The following KIAA0232 variants were observed in gnomAD, a reference collection of about 807,000 sequenced individuals.
KIAA0232 encodes KIAA0232, also known as uncharacterized protein KIAA0232.
In KIAA0232, 27 loss-of-function variants were observed where a neutral mutation model predicts 122.0. That is an observed-to-expected ratio of 0.22 (90% CI 0.16 to 0.31). The LOEUF is 0.31. Ranked by LOEUF, KIAA0232 falls within the 10% of genes least tolerant of loss-of-function variation. The probability of loss-of-function intolerance (pLI) is 1.00; values close to 1 mark genes in which losing one functional copy is unlikely to be tolerated. For synonymous variants in KIAA0232, 613 were observed against 587.6 expected (o/e 1.04, Z -0.63); for missense variants, 1,551 against 1,634.2 (o/e 0.95, Z 0.88).
At chr4:6,877,333 C>T (rs1721810752) in intron 9 of KIAA0232, among the ~76,000 whole-genome samples, 1 of 152,208 alleles carries the variant, frequency 6.6e-6, no homozygotes, top group African/African-American at 2.4e-5. Flanking sequence ...AAGGCGGGAG[C>T]GGGGCCTCCG....
In KIAA0232 at chr4:6,862,134, T is replaced by G; in HGVS notation, c.1752T>G (p.Leu584=). 6.2e-7 allele frequency: 1 copy of G among 1,614,158 alleles called. No homozygotes were observed. Among genetic ancestry groups the G allele is most frequent in the Non-Finnish European group, 8.5e-7 (1 of 1,180,016 alleles). The change falls in exon 7 of 10, where the codon CTT becomes CTG. Residue 584 remains leucine, a synonymous_variant. Coordinates refer to ENST00000307659, the MANE Select transcript of KIAA0232 (RefSeq NM_014743.3). ...VGAEGLFLQD[L]GNLAQFWECC... ...CTGAGGGCTTATTCCTGCAGGACCTTGGCAATCTGGCTCAGTTTTGGGAGT... is the reference window on the plus strand; with the variant it reads ...CTGAGGGCTTATTCCTGCAGGACCTGGGCAATCTGGCTCAGTTTTGGGAGT...
chr4:6,815,683 C>G (rs139198827), intron 2 of KIAA0232, among the ~76,000 whole-genome samples: 5 of 152,296 alleles, frequency 3.3e-5, no homozygotes, highest in Admixed American at 1.3e-4. Flanking sequence ...CCTTTACTTT[C>G]TTTTTCTTTC....
rs113543325 is a variant in KIAA0232, at chr4:6,833,534, G to T, written c.232-8533G>T. On this transcript the variant is annotated intron_variant, in intron 3 of 9. Coordinates refer to ENST00000307659, the MANE Select transcript of KIAA0232 (RefSeq NM_014743.3). ...AGTCTCAGCTGCTCGGGAGGCTGAG[G>T]TTGGAGGATCACCTGAGCCCAGGGA... Among the ~76,000 whole-genome samples, 582 of 152,224 alleles carry T rather than the reference G, an allele frequency of 3.8e-3. 1 individual carries two copies. The highest frequency in any genetic ancestry group is 0.013 in the African/African-American group (542 of 41,538).
Position 6,880,850 on chromosome 4 carries a change from T to G in KIAA0232, c.4072T>G (p.Phe1358Val). Residue 1358 changes from phenylalanine to valine, a missense_variant, in exon 10 of 10, where the codon TTC (phenylalanine) becomes GTC (valine). Phe to Val is a conservative substitution (Grantham distance 50, BLOSUM62 -1). This residue lies in a region of KIAA0232 where 1,108 missense variants were observed against 1,154.8 expected (regional missense o/e 0.96). Transcript: ENST00000307659. ...AGATTCTGGAGCAAAGTCAGATGGC[T>G]TCCGCGGAAAGATGTGCTCCAGCGC... ...ERDSGAKSDG[F>V]RGKMCSSASS... The G allele has an allele frequency of 1.2e-6, 2 of 1,607,588 alleles. No individual in the cohort carries two copies. The highest frequency in any genetic ancestry group is 2.2e-5 in the South Asian group (2 of 89,540).
At chr4:6,826,916 G>A (rs1445044071) in intron 3 of KIAA0232, among the ~76,000 whole-genome samples, 1 of 152,038 alleles carries the variant, frequency 6.6e-6, no homozygotes, top group Non-Finnish European at 1.5e-5. Flanking sequence ...TGAATCCTCT[G>A]GTTTCTTTAC....
intron 3 of KIAA0232, among the ~76,000 whole-genome samples, chr4:6,828,580 C>T (rs1718813286): frequency 6.6e-6 from 1 of 152,100 alleles, no homozygotes; most frequent in Non-Finnish European, 1.5e-5. Context: ...GTTATCAAAT[C>T]AGGGTATTTG....
chr4:6,879,997 C>G (rs79740186), intron 9 of KIAA0232, among the ~76,000 whole-genome samples: 3 of 78,268 alleles, frequency 3.8e-5, no homozygotes, highest in African/African-American at 1.0e-4. Context: ...TCCCAACACA[C>G]AGGTCTGTAG....
In KIAA0232 at chr4:6,829,884, C is replaced by T. The variant is rs545357713; in HGVS notation, c.231+5200C>T. On this transcript the variant is annotated intron_variant, in intron 3 of 9. Transcript: ENST00000307659. The stretch of plus-strand genomic sequence containing the variant: ...TCTGTCACAGGTGGGAAGGGATGCA[C>T]TAGCAGATGAGGGTGTGTTTCAGTA... Among the ~76,000 whole-genome samples the T allele has an allele frequency of 4.1e-4, 62 of 152,328 alleles. 1 individual carries two copies. In the South Asian group the frequency reaches 0.011, roughly 26 times the overall value.
At chr4:6,873,947 AT>A (rs1469599376) in intron 8 of KIAA0232, among the ~76,000 whole-genome samples, 2 of 152,194 alleles carry the variant, frequency 1.3e-5, no homozygotes, top group African/African-American at 4.8e-5. Flanking sequence ...GGGACTCCTA[AT>A]GCTTCTAATA....
At chr4:6,813,552 T>G (rs374260147) in intron 2 of KIAA0232, among the ~76,000 whole-genome samples, 1 of 151,790 alleles carries the variant, frequency 6.6e-6, no homozygotes, top group Non-Finnish European at 1.5e-5. Flanking sequence ...TTAGTAGAGA[T>G]GGGGTTTCAC....
At position 6,862,047 on chromosome 4, in the gene KIAA0232, A is replaced by G. The variant is rs367823638; in HGVS notation, c.1665A>G (p.Leu555=). The G allele has an allele frequency of 6.2e-7, 1 of 1,614,226 alleles. No homozygotes were observed. ...TDFEAECCIV[L]DGMELQGERA... is the part of the protein sequence containing the mutation. ...TTGAGGCAGAATGTTGCATAGTGTT[A>G]GATGGTATGGAGTTGCAAGGGGAAC... Residue 555 remains leucine (L), a synonymous_variant, in exon 7 of 10, where the codon TTA becomes TTG. Coordinates refer to ENST00000307659, the MANE Select transcript of KIAA0232 (RefSeq NM_014743.3).
At chr4:6,852,470 TG>T in intron 4 of KIAA0232, among the ~76,000 whole-genome samples, 1 of 152,356 alleles carries the variant, frequency 6.6e-6, no homozygotes, top group Middle Eastern at 3.4e-3. Flanking sequence ...ACGATTACCA[TG>T]ATCACCAGTA....
chr4:6,808,318 T>C (rs1409583453), intron 2 of KIAA0232, among the ~76,000 whole-genome samples: 2 of 151,506 alleles, frequency 1.3e-5, no homozygotes, highest in Admixed American at 1.3e-4. Flanking sequence ...TATGTGAAAG[T>C]CCTGTAAACA....
At chr4:6,843,376 A>G (rs1366756179) in intron 4 of KIAA0232, among the ~76,000 whole-genome samples, 1 of 152,178 alleles carries the variant, frequency 6.6e-6, no homozygotes, top group Non-Finnish European at 1.5e-5. Flanking sequence ...GTTATCTTTG[A>G]CAATCTGCAG....
chr4:6,816,612 G>A (rs1462549547), intron 2 of KIAA0232, among the ~76,000 whole-genome samples: 1 of 152,082 alleles, frequency 6.6e-6, no homozygotes, highest in Non-Finnish European at 1.5e-5. Flanking sequence ...TTGGCTTTTG[G>A]TATCAGTTTA....
intron 2 of KIAA0232, among the ~76,000 whole-genome samples, chr4:6,806,882 T>C (rs1263356963): frequency 6.6e-6 from 1 of 152,112 alleles, no homozygotes; most frequent in Non-Finnish European, 1.5e-5. Context: ...CTTTTCCCTT[T>C]TATTTAGTCT....
At chr4:6,847,101 T>C (rs780227511) in intron 4 of KIAA0232, among the ~76,000 whole-genome samples, 2 of 152,144 alleles carry the variant, frequency 1.3e-5, no homozygotes, top group Non-Finnish European at 2.9e-5. Flanking sequence ...AATATAAGTA[T>C]AGGTAGGAAG....
In KIAA0232 at chr4:6,863,397, G is replaced by A; in HGVS notation, c.3015G>A (p.Gly1005=). Residue 1005 remains glycine (G), a synonymous_variant, in exon 7 of 10, where the codon GGG becomes GGA. Coordinates refer to ENST00000307659, the MANE Select transcript of KIAA0232 (RefSeq NM_014743.3). The stretch of plus-strand genomic sequence containing the variant: ...AACAGAATGATCAGCCGAAGAGTGG[G>A]GAAAATGGGTTAAATAAGGGATTTT... ...SFEQNDQPKS[G]ENGLNKGFSF... is the part of the protein sequence containing the mutation. 1.2e-6 allele frequency: 2 copies of A among 1,614,098 alleles called. No homozygotes were observed. Among genetic ancestry groups the A allele is most frequent in the African/African-American group, 1.3e-5 (1 of 75,016 alleles).
intron 1 of KIAA0232, among the ~76,000 whole-genome samples, chr4:6,794,201 G>C (rs1048253205): frequency 6.6e-6 from 1 of 152,216 alleles, no homozygotes; most frequent in African/African-American, 2.4e-5. Flanking sequence ...GTACAGTTCT[G>C]AGAAAGTCTT....
Sources: allele counts gnomAD v4.1 joint callset (sites outside exome capture counted in the v4.1 genomes callset), GRCh38; gene constraint gnomAD v4.1.1; regional missense constraint gnomAD v4.1.1; transcripts MANE v1.5; gene names NCBI Gene and HGNC (gene_info 2026-07-23, HGNC 2026-07-21).